The following DPP3 variants were observed in gnomAD, a reference collection of about 807,000 sequenced individuals.
DPP3 encodes dipeptidyl peptidase 3.
DPP3 carries 64 observed loss-of-function variants against 89.8 expected under a neutral mutation model. The observed-to-expected ratio is 0.71, with a 90% CI of 0.58 to 0.88. DPP3 has a LOEUF of 0.88. DPP3 is among the 40% of genes least tolerant of loss of function. The pLI is 0.00. For missense variants in DPP3, 835 were observed against 972.5 expected, an observed-to-expected ratio of 0.86 and a Z score of 1.88; for synonymous variants, 377 against 404.3, an observed-to-expected ratio of 0.93 and a Z score of 0.81.
rs79970409 is a variant in DPP3, at chr11:66,493,735, G to C, written c.1389+102G>C. On this transcript the variant is annotated intron_variant, in intron 12 of 17. Transcript: ENST00000531863. ...GCTGCTCCAGCCTCTGCCCTCAGGA[G>C]CTATGGGTTGAGTGGGGAAAATGGC... The C allele has an allele frequency of 2.0e-3, 2,565 of 1,272,302 alleles. 67 individuals carry two copies. The East Asian group carries it at 0.051, about 25-fold the overall frequency. 78.8% of individuals were successfully genotyped at this position (1,272,302 alleles called of 1,614,324 possible). A position where few individuals can be genotyped will look rare whatever the true frequency, so the allele number is the denominator to read the frequency against.
At position 66,509,067 on chromosome 11, in the gene DPP3, TCTC is replaced by T. The variant is rs746689565; in HGVS notation, c.2042-7_2042-5del. On this transcript the variant is annotated splice_polypyrimidine_tract_variant and intron_variant, in intron 17 of 17. Transcript: ENST00000531863. ...ACCTTTCCCTGCTGTTTTCTCTCCA[TCTC>T]CTCCCCAGGCTCAGACGTGCAGCTT... 3 of 1,613,220 alleles carry T rather than the reference TCTC, an allele frequency of 1.9e-6. No individual in the cohort carries two copies. The South Asian group carries it at 3.3e-5, about 18-fold the overall frequency.
rs1038307549 is a variant in DPP3 at position 66,495,353 on chromosome 11, C to T, written c.1453-12C>T. On this transcript the variant is annotated splice_polypyrimidine_tract_variant and intron_variant, in intron 13 of 17. Coordinates refer to ENST00000531863, the MANE Select transcript of DPP3 (RefSeq NM_130443.4). ...GGCCACCTTAAGCCCGACAGTGGAGCTCCTTTTCCAGATTCAGAGCTGGTA... is the reference window on the plus strand; with the variant it reads ...GGCCACCTTAAGCCCGACAGTGGAGTTCCTTTTCCAGATTCAGAGCTGGTA... 1 of 1,613,854 alleles carries T rather than the reference C, an allele frequency of 6.2e-7. No individual in the cohort carries two copies. The highest frequency in any genetic ancestry group is 8.5e-7 in the Non-Finnish European group (1 of 1,179,822).
intron 3 of DPP3, among the ~76,000 whole-genome samples, chr11:66,485,944 T>C (rs887115203): frequency 1.3e-5 from 2 of 151,660 alleles, no homozygotes; most frequent in Admixed American, 6.6e-5. Context: ...TTTCTTTTCT[T>C]TTCTTTTCTT....
At position 66,509,335 on chromosome 11, in the gene DPP3, G is replaced by A. The variant is rs780090749; in HGVS notation, c.*84G>A. 2.6e-6 allele frequency: 4 copies of A among 1,549,036 alleles called. No individual in the cohort carries two copies. The South Asian group carries it at 3.6e-5, about 14-fold the overall frequency. ...TTCGTGTGTGTATTTAGGGGCTGGG[G>A]AGGGGGAGGGGCAGGAGCTTGGACC... On this transcript the variant is annotated 3_prime_UTR_variant, in exon 18 of 18. Transcript: ENST00000531863.
chr11:66,487,236 C>T, intron 4 of DPP3, 32 bp from the exon 5 acceptor site: 1 of 1,611,114 alleles, frequency 6.2e-7, no homozygotes, highest in Non-Finnish European at 8.5e-7. Flanking sequence ...TTGGCAACTC[C>T]TCTTTCTCAT....
At chr11:66,485,922 C>CTTTTG (rs1308253043) in intron 3 of DPP3, among the ~76,000 whole-genome samples, 1 of 122,932 alleles carries the variant, frequency 8.1e-6, no homozygotes, top group African/African-American at 4.7e-5. Context: ...ATTTTCTTTT[C>CTTTTG]TTTTCTTTTC....
chr11:66,491,416 T>C, intron 7 of DPP3, 33 bp downstream of exon 7: 1 of 1,608,988 alleles, frequency 6.2e-7, no homozygotes, highest in African/African-American at 1.3e-5. Context: ...GGGTGCGGGC[T>C]GAGGACCCCT....
intron 16 of DPP3, among the ~76,000 whole-genome samples, chr11:66,503,880 G>A (rs1367417191): frequency 6.0e-5 from 9 of 151,188 alleles, no homozygotes; most frequent in Non-Finnish European, 1.3e-4. Flanking sequence ...GCAAGACTCT[G>A]TCTCAAAAAA....
chr11:66,492,245 C>CG (rs538477554), intron 9 of DPP3, among the ~76,000 whole-genome samples: 1 of 152,176 alleles, frequency 6.6e-6, no homozygotes, highest in Admixed American at 6.5e-5. Flanking sequence ...GGACCTGACC[C>CG]GGGGCTGTCA....
intron 17 of DPP3, among the ~76,000 whole-genome samples, chr11:66,505,913 T>G (rs957673256): frequency 6.6e-6 from 1 of 152,076 alleles, no homozygotes; most frequent in African/African-American, 2.4e-5. Context: ...GAAAAAGCAT[T>G]TATTTATTTG....
chr11:66,480,770 G>C (rs1855054557), intron 1 of DPP3: 2 of 328,316 alleles, frequency 6.1e-6, no homozygotes, highest in African/African-American at 4.3e-5. Context: ...GAATCCCCGG[G>C]TTCCAACGGG....
At chr11:66,491,414 G>A (rs1186286459) in intron 7 of DPP3, 31 bp downstream of exon 7, 1 of 1,609,424 alleles carries the variant, frequency 6.2e-7, no homozygotes, top group Non-Finnish European at 8.5e-7. Flanking sequence ...AGGGGTGCGG[G>A]CTGAGGACCC....
chr11:66,496,537 C>T (rs1427160741), intron 15 of DPP3, among the ~76,000 whole-genome samples: 1 of 152,094 alleles, frequency 6.6e-6, no homozygotes, highest in East Asian at 1.9e-4. Flanking sequence ...GCCTCAGCCT[C>T]CCGAGTGGCT....
chr11:66,505,993 A>AG (rs1287048901), intron 17 of DPP3, among the ~76,000 whole-genome samples: 1 of 152,120 alleles, frequency 6.6e-6, no homozygotes, highest in East Asian at 1.9e-4. Flanking sequence ...TCTGTCGCCT[A>AG]GGCTGGAGTG....
At chr11:66,502,134 G>A (rs193288341) in intron 16 of DPP3, among the ~76,000 whole-genome samples, 26 of 152,172 alleles carry the variant, frequency 1.7e-4, no homozygotes, top group Middle Eastern at 6.8e-3. Context: ...TGGAGGTTGC[G>A]TGAGCCAAGA....
chr11:66,502,516 C>T (rs1256265257), intron 16 of DPP3, among the ~76,000 whole-genome samples: 1 of 151,480 alleles, frequency 6.6e-6, no homozygotes, highest in East Asian at 2.0e-4. Flanking sequence ...GTCGCCCAGG[C>T]TGGAGTGCAG....
At chr11:66,498,240 C>T (rs927188530) in intron 16 of DPP3, among the ~76,000 whole-genome samples, 1 of 152,134 alleles carries the variant, frequency 6.6e-6, no homozygotes, top group African/African-American at 2.4e-5. Context: ...ACTACAGGTG[C>T]CCGCCACCAT....
intron 17 of DPP3, 100 bp downstream of exon 17, chr11:66,504,874 T>A: frequency 7.7e-7 from 1 of 1,301,274 alleles, no homozygotes; most frequent in South Asian, 1.7e-5. Context: ...AATAAGAACC[T>A]AACCCAGCCT....
intron 6 of DPP3, among the ~76,000 whole-genome samples, chr11:66,490,948 G>T (rs890682377): frequency 4.0e-5 from 6 of 151,756 alleles, no homozygotes; most frequent in Non-Finnish European, 8.8e-5. Context: ...TTTGTATTTT[G>T]AGTAGAGACA....
Sources: gnomAD v4.1 joint callset for allele counts (sites outside exome capture counted in the v4.1 genomes callset) on GRCh38, gnomAD v4.1.1 for gene constraint, MANE v1.5 for transcripts, NCBI Gene and HGNC (gene_info 2026-07-23, HGNC 2026-07-21) for gene names.